AIRE: variants seen among roughly 807,000 people sequenced by gnomAD.
AIRE encodes the protein autoimmune regulator.
Under a neutral mutation model 62.1 loss-of-function variants are expected in AIRE, and 52 were observed. That is an observed-to-expected ratio of 0.84 (90% CI 0.67 to 1.06). The LOEUF is 1.06. Among genes scored for constraint, AIRE ranks in the 50% least tolerant of loss-of-function variants. The pLI is 0.00. For missense variants in AIRE, 774 were observed against 755.8 expected, an observed-to-expected ratio of 1.02 and a Z score of -0.28; for synonymous variants, 342 against 321.6, an observed-to-expected ratio of 1.06 and a Z score of -0.68.
intron 8 of AIRE, 134 bp downstream of exon 8, chr21:44,291,344 C>A: frequency 1.4e-6 from 2 of 1,406,364 alleles, no homozygotes; most frequent in Admixed American, 2.0e-5. Flanking sequence ...GGTCACTGGG[C>A]CGTGGGGCCG....
chr21:44,292,313 G>A lies in AIRE; in HGVS notation c.1007G>A (p.Arg336Lys), dbSNP rs1299636185. 3.2e-6 allele frequency: 5 copies of A among 1,574,550 alleles called. No homozygotes were observed. The highest frequency in any genetic ancestry group is 4.6e-5 in the East Asian group (2 of 43,076). The change falls in exon 9 of 14, where the codon AGG becomes AAG. Residue 336 changes from arginine to lysine, a missense_variant. This residue lies in a region of AIRE where 35 missense variants were observed against 63.7 expected (regional missense o/e 0.55). Transcript: ENST00000291582. The stretch of plus-strand genomic sequence containing the variant: ...GGACACACGAGCAGTGGGACCTGGA[G>A]GTGCTCCAGCTGCCTGCAGGCAACA... ...PLREIPSGTW[R>K]CSSCLQATVQ...
At chr21:44,288,781 G>A (rs150819730) in intron 5 of AIRE, 184 of 317,308 alleles carry the variant, frequency 5.8e-4, no homozygotes, top group Admixed American at 2.2e-3. Flanking sequence ...TGCCTGTGCT[G>A]CTGAGACCCT....
chr21:44,286,263 C>A lies in AIRE; in HGVS notation c.132+125C>A, dbSNP rs1176857901. The A allele has an allele frequency of 5.3e-6, 6 of 1,134,124 alleles. No individual in the cohort carries two copies. The highest frequency in any genetic ancestry group is 7.6e-6 in the Non-Finnish European group (6 of 794,004). The allele number at this position is 1,134,124 out of a possible 1,614,324, so 70.3% of individuals were successfully genotyped here. ...CCCCTCCAGCCTTCCCCAACTCCCT[C>A]CCCACAAGGAGCCAGGGGCGTCCCT... On this transcript the variant is annotated intron_variant, in intron 1 of 13. Coordinates refer to ENST00000291582, the MANE Select transcript of AIRE (RefSeq NM_000383.4). The surrounding 1 kb of genome is among the most constrained non-coding windows in gnomAD (Gnocchi z 6.0).
At chr21:44,293,753 G>GC (rs2040570605) in intron 10 of AIRE, 36 bp from the exon 11 acceptor site, 3 of 1,594,854 alleles carry the variant, frequency 1.9e-6, no homozygotes, top group African/African-American at 2.7e-5. Context: ...ATTTCCCCCG[G>GC]CCCCCCGCGT....
intron 12 of AIRE, among the ~76,000 whole-genome samples, chr21:44,295,317 G>T (rs1729504936): frequency 6.6e-6 from 1 of 152,062 alleles, no homozygotes; most frequent in Non-Finnish European, 1.5e-5. Context: ...CCCCAGCGTG[G>T]TACTCCCCGG....
In AIRE at chr21:44,293,100, T is replaced by C. The variant is rs61737072; in HGVS notation, c.1203T>C (p.Pro401=). The C allele has an allele frequency of 8.6e-3, 13,776 of 1,609,130 alleles. 1,040 individuals are homozygous for C. The African/African-American group carries it at 0.16, about 19-fold the overall frequency. Residue 401 remains proline (P), a synonymous_variant, in exon 10 of 14, where the codon CCT becomes CCC. Transcript: ENST00000291582. ...TCTACAAGCACCTGCCGGCTCCGCCTTCTGCAGCCCCGCTGCCAGGGCTGG... is the reference window on the plus strand; with the variant it reads ...TCTACAAGCACCTGCCGGCTCCGCCCTCTGCAGCCCCGCTGCCAGGGCTGG... The part of the protein sequence containing the change: ...TLVYKHLPAP[P]SAAPLPGLDS...
rs2040518950 is a variant in AIRE at position 44,289,900 on chromosome 21, G to A, written c.799-88G>A. ...GGAGTGGCTCTGCTGGGGGCTGGGG[G>A]CTGCTGCCGAGAGACGCCTGGTGCC... On this transcript the variant is annotated intron_variant, in intron 6 of 13. Coordinates refer to ENST00000291582, the MANE Select transcript of AIRE (RefSeq NM_000383.4). The A allele has an allele frequency of 1.4e-5, 23 of 1,603,768 alleles. No homozygotes were observed. The South Asian group carries it at 2.5e-4, about 18-fold the overall frequency.
At chr21:44,288,578 C>T in intron 5 of AIRE, 120 bp downstream of exon 5, 2 of 724,104 alleles carry the variant, frequency 2.8e-6, no homozygotes, top group South Asian at 1.8e-5. Context: ...GCTCAGGTAG[C>T]CAGAGTTTCT....
intron 12 of AIRE, among the ~76,000 whole-genome samples, chr21:44,295,388 C>G (rs2040595372): frequency 6.6e-6 from 1 of 152,220 alleles, no homozygotes; most frequent in Admixed American, 6.5e-5. Context: ...GCCTCAGACC[C>G]AGCCCTGCCC....
chr21:44,295,791 A>C (rs552357718), intron 12 of AIRE, among the ~76,000 whole-genome samples: 10 of 152,014 alleles, frequency 6.6e-5, no homozygotes, highest in African/African-American at 2.2e-4. Flanking sequence ...GGGAGCATCC[A>C]GGGGCTTTCC....
intron 10 of AIRE, among the ~76,000 whole-genome samples, chr21:44,293,412 AG>A (rs1601969516): frequency 1.3e-5 from 2 of 152,124 alleles, no homozygotes; most frequent in South Asian, 2.1e-4. Flanking sequence ...AGGACAATGA[AG>A]GGGGGGATGT....
chr21:44,298,363 T>C lies in AIRE; in HGVS notation c.*636T>C, dbSNP rs192279351. On this transcript the variant is annotated 3_prime_UTR_variant, in exon 14 of 14. Transcript: ENST00000291582. ...CTCTATGACTTCTCCAGGGACCTCA[T>C]GGAAGTGGAATCACACAGTATCTGT... The C allele has an allele frequency of 6.5e-3, 1,048 of 162,086 alleles. 5 individuals are homozygous for C. Among genetic ancestry groups the C allele is most frequent in the South Asian group, 0.024 (144 of 6,106 alleles). The allele number at this position is 162,086 out of a possible 1,614,324, so 10.0% of individuals were successfully genotyped here.
chr21:44,291,416 C>T (rs1287613348), intron 8 of AIRE, among the ~76,000 whole-genome samples: 1 of 152,192 alleles, frequency 6.6e-6, no homozygotes, highest in Non-Finnish European at 1.5e-5. Flanking sequence ...GCTGCCCAGC[C>T]TGGACAGCTG....
Position 44,286,164 on chromosome 21 carries a change from GC to G in AIRE, c.132+31del, listed in dbSNP as rs2040479899. 2 of 1,414,150 alleles carry G rather than the reference GC, an allele frequency of 1.4e-6. No homozygotes were observed. 87.6% of individuals were successfully genotyped at this position (1,414,150 alleles called of 1,614,324 possible). On this transcript the variant is annotated intron_variant, in intron 1 of 13. Coordinates refer to ENST00000291582, the MANE Select transcript of AIRE (RefSeq NM_000383.4). This position sits in a 1 kb window ranked among gnomAD's most constrained non-coding sequence, Gnocchi z 6.0. ...GTGGGCTCCCCGCCCGCCCCCCGCT[GC>G]CCCCAGGCCCTGTGAGCCAGGGATA...
At position 44,297,728 on chromosome 21, in the gene AIRE, C is replaced by A. The variant is rs1288772160; in HGVS notation, c.*1C>A. ...TCCGGCGGCCCCCTTCCCCTCCTGA[C>A]CCCAGATGGCCGGGACATGCAGCTC... On this transcript the variant is annotated 3_prime_UTR_variant, in exon 14 of 14. Transcript: ENST00000291582. This position sits in a 1 kb window ranked among gnomAD's most constrained non-coding sequence, Gnocchi z 4.8. 1.2e-6 allele frequency: 2 copies of A among 1,609,472 alleles called. No homozygotes were observed.
At position 44,297,629 on chromosome 21, in the gene AIRE, G is replaced by A; in HGVS notation, c.1567-27G>A. The A allele has an allele frequency of 6.3e-7, 1 of 1,593,932 alleles. No individual in the cohort carries two copies. The highest frequency in any genetic ancestry group is 8.6e-7 in the Non-Finnish European group (1 of 1,164,664). On this transcript the variant is annotated intron_variant, in intron 13 of 13. Transcript: ENST00000291582. This position sits in a 1 kb window ranked among gnomAD's most constrained non-coding sequence, Gnocchi z 4.8. ...TGGCTGCGGCGGGGGCGCACCTGGA[G>A]GTTCTCACCGTCACTCTGTCCCGCA...
At chr21:44,292,425 C>G (rs375287460) in intron 9 of AIRE, 24 bp downstream of exon 9, 1 of 1,501,906 alleles carries the variant, frequency 6.7e-7, no homozygotes, top group Admixed American at 2.0e-5. Context: ...CCCTCCTAGC[C>G]GGGCCACCCC....
chr21:44,289,950 G>A (rs1490588740), intron 6 of AIRE, 38 bp from the exon 7 acceptor site: 3 of 1,605,194 alleles, frequency 1.9e-6, no homozygotes, highest in East Asian at 4.5e-5. Context: ...CCTCGCTGCT[G>A]AGGCTGCCCC....
intron 8 of AIRE, among the ~76,000 whole-genome samples, chr21:44,291,612 G>T (rs1299890753): frequency 6.7e-6 from 1 of 149,558 alleles, no homozygotes; most frequent in Admixed American, 6.7e-5. Context: ...CCCCAGGGCA[G>T]GTGGGAGTTT....
Sources: allele counts gnomAD v4.1 joint callset (sites outside exome capture counted in the v4.1 genomes callset), GRCh38; gene constraint gnomAD v4.1.1; regional missense constraint gnomAD v4.1.1; non-coding constraint Gnocchi (gnomAD v3.1); transcripts MANE v1.5; gene names NCBI Gene and HGNC (gene_info 2026-07-23, HGNC 2026-07-21).